Variants in UGT1A8 observed in about 807,000 individuals in gnomAD.
The protein encoded by UGT1A8 is UDP glucuronosyltransferase family 1 member A8, also known as UDP-glucuronosyltransferase 1A8.
Under a neutral mutation model 45.3 loss-of-function variants are expected in UGT1A8, and 39 were observed. The observed-to-expected ratio is 0.86, with a 90% CI of 0.67 to 1.12. UGT1A8 has a LOEUF of 1.12. Ranked by LOEUF, UGT1A8 falls within the 50% of genes most tolerant of loss-of-function variation. The pLI, the probability that UGT1A8 is intolerant of heterozygous loss-of-function variation, is 0.00. For synonymous variants in UGT1A8, 275 were observed against 249.2 expected, an observed-to-expected ratio of 1.10 and a Z score of -0.97; for missense variants, 719 against 664.9, an observed-to-expected ratio of 1.08 and a Z score of -0.90.
At chr2:233,672,333 A>C (rs768755879) in intron 1 of UGT1A8, 14 of 1,614,160 alleles carry the variant, frequency 8.7e-6, no homozygotes, top group Non-Finnish European at 1.1e-5. Context: ...ACAAAAAATT[A>C]GTAGAATACT....
At chr2:233,698,855 T>C (rs2075465931) in intron 1 of UGT1A8, among the ~76,000 whole-genome samples, 1 of 152,252 alleles carries the variant, frequency 6.6e-6, no homozygotes, top group Non-Finnish European at 1.5e-5. Context: ...TATTCCCATG[T>C]TGGTGTGACT....
intron 1 of UGT1A8, among the ~76,000 whole-genome samples, chr2:233,710,084 T>C (rs2076109841): frequency 6.6e-6 from 1 of 152,220 alleles, no homozygotes. Context: ...CCTTTCACAT[T>C]GTTGCATGTA....
At chr2:233,718,907 A>C (rs368882210) in intron 1 of UGT1A8, 4 of 1,613,892 alleles carry the variant, frequency 2.5e-6, no homozygotes, top group Middle Eastern at 1.7e-4. Context: ...CTGAGAGTGG[A>C]AAGGTGTTGG....
Position 233,724,346 on chromosome 2 carries a change from C to G in UGT1A8, c.856-42688C>G, listed in dbSNP as rs1441595042. On this transcript the variant is annotated intron_variant, in intron 1 of 4. Coordinates refer to ENST00000373450, the MANE Select transcript of UGT1A8 (RefSeq NM_019076.5). ...CTGGCCAGGCGGGGGGCTGACCCCC[C>G]CCACCTCCCTCCCGGACGGGGTGGC... 6.3e-4 allele frequency among the ~76,000 whole-genome samples: 93 copies of G among 148,184 alleles called. 1 individual carries two copies. The highest frequency in any genetic ancestry group is 1.0e-3 in the Non-Finnish European group (69 of 66,790).
intron 1 of UGT1A8, among the ~76,000 whole-genome samples, chr2:233,702,032 C>A (rs2075666717): frequency 6.6e-6 from 1 of 151,958 alleles, no homozygotes; most frequent in Non-Finnish European, 1.5e-5. Context: ...CAAAAAAAAA[C>A]CCTTCAAAAA....
intron 1 of UGT1A8, among the ~76,000 whole-genome samples, chr2:233,725,807 A>G (rs2077476703): frequency 6.6e-6 from 1 of 152,102 alleles, no homozygotes; most frequent in Non-Finnish European, 1.5e-5. Context: ...CTTAAAATCC[A>G]TTTTATTGGA....
intron 1 of UGT1A8, among the ~76,000 whole-genome samples, chr2:233,657,547 G>T (rs775230621): frequency 3.3e-5 from 5 of 152,134 alleles, no homozygotes; most frequent in Admixed American, 6.5e-5. Flanking sequence ...AAACATACTA[G>T]GTCATTTGTG....
chr2:233,711,548 T>C (rs532543764), intron 1 of UGT1A8, among the ~76,000 whole-genome samples: 27 of 152,192 alleles, frequency 1.8e-4, no homozygotes, highest in Non-Finnish European at 3.4e-4. Context: ...CATCCTCCCC[T>C]GGAGAGTTCC....
intron 1 of UGT1A8, among the ~76,000 whole-genome samples, chr2:233,757,890 C>A (rs1243643076): frequency 6.6e-6 from 1 of 152,110 alleles, no homozygotes; most frequent in Non-Finnish European, 1.5e-5. Flanking sequence ...GTTCCAGAAA[C>A]ACTTTCCATG....
chr2:233,665,167 T>C (rs1341858947), intron 1 of UGT1A8, among the ~76,000 whole-genome samples: 2 of 152,216 alleles, frequency 1.3e-5, no homozygotes, highest in Non-Finnish European at 2.9e-5. Flanking sequence ...TGCCAATAAA[T>C]TATAGACATC....
intron 1 of UGT1A8, among the ~76,000 whole-genome samples, chr2:233,655,974 A>C (rs1431786372): frequency 6.6e-6 from 1 of 152,146 alleles, no homozygotes; most frequent in Non-Finnish European, 1.5e-5. Flanking sequence ...TTCTTGGAAA[A>C]GGTTACAACC....
Position 233,768,444 on chromosome 2 carries a change from G to T in UGT1A8, c.1295+5G>T. 3.7e-6 allele frequency: 6 copies of T among 1,612,940 alleles called. No homozygotes were observed. The highest frequency in any genetic ancestry group is 5.1e-6 in the Non-Finnish European group (6 of 1,179,422). Reference sequence around the variant, plus strand: ...AGCAGTCATCAATGACAAAAGGTAAGAAAGAAGATACAGAAGAATACTTTG... The same window carrying T: ...AGCAGTCATCAATGACAAAAGGTAATAAAGAAGATACAGAAGAATACTTTG... On this transcript the variant is annotated splice_donor_5th_base_variant and intron_variant, in intron 4 of 4. Coordinates refer to ENST00000373450, the MANE Select transcript of UGT1A8 (RefSeq NM_019076.5).
intron 1 of UGT1A8, among the ~76,000 whole-genome samples, chr2:233,710,341 A>G (rs553386954): frequency 8.9e-4 from 135 of 152,236 alleles, no homozygotes; most frequent in Non-Finnish European, 1.7e-3. Flanking sequence ...AAACAGTCGA[A>G]CTGTTTCCAA....
At chr2:233,669,928 G>T (rs569212436) in intron 1 of UGT1A8, among the ~76,000 whole-genome samples, 4 of 151,954 alleles carry the variant, frequency 2.6e-5, no homozygotes, top group Non-Finnish European at 5.9e-5. Flanking sequence ...CCCGTGATAC[G>T]CCCACCTTGA....
intron 1 of UGT1A8, among the ~76,000 whole-genome samples, chr2:233,637,825 T>C (rs1306318570): frequency 1.3e-5 from 2 of 152,186 alleles, no homozygotes; most frequent in Admixed American, 1.3e-4. Flanking sequence ...GCTGAACATA[T>C]TCTTCTTTAT....
At chr2:233,619,520 T>C (rs1407480851) in intron 1 of UGT1A8, among the ~76,000 whole-genome samples, 1 of 152,214 alleles carries the variant, frequency 6.6e-6, no homozygotes. Flanking sequence ...CTTTTTGCTA[T>C]TATATCTTCC....
chr2:233,668,107 C>T (rs2074114476), intron 1 of UGT1A8, among the ~76,000 whole-genome samples: 1 of 151,912 alleles, frequency 6.6e-6, no homozygotes, highest in African/African-American at 2.4e-5. Flanking sequence ...GCACAACATG[C>T]AGGTTTGTTA....
intron 1 of UGT1A8, chr2:233,672,355 T>C: frequency 2.5e-6 from 4 of 1,614,186 alleles, no homozygotes; most frequent in Non-Finnish European, 3.4e-6. Flanking sequence ...AAAGGAGAGT[T>C]CTTTTGATGC....
intron 1 of UGT1A8, among the ~76,000 whole-genome samples, chr2:233,711,012 A>C (rs2076158126): frequency 1.3e-5 from 2 of 152,180 alleles, no homozygotes; most frequent in African/African-American, 4.8e-5. Context: ...GCCTTTTTCT[A>C]TCTCTGAATT....
Sources: allele counts gnomAD v4.1 joint callset (sites outside exome capture counted in the v4.1 genomes callset), GRCh38; gene constraint gnomAD v4.1.1; transcripts MANE v1.5; gene names NCBI Gene and HGNC (gene_info 2026-07-23, HGNC 2026-07-21).